The following TLN2 variants were observed in gnomAD, a reference collection of about 807,000 sequenced individuals.
TLN2 encodes talin-2.
A neutral mutation model predicts 294.7 loss-of-function variants in TLN2; 118 were observed. That is an observed-to-expected ratio of 0.40 (90% CI 0.34 to 0.47). The LOEUF (loss-of-function observed/expected upper bound fraction) is 0.47, where lower values mean the gene tolerates loss of function less well. Ranked by LOEUF, TLN2 falls within the 20% of genes least tolerant of loss-of-function variation. The pLI is 0.84. For missense variants in TLN2, 3,083 were observed against 3,282.2 expected (o/e 0.94, Z 1.48); for synonymous variants, 1,431 against 1,304.5 (o/e 1.10, Z -2.09).
Position 62,589,774 on chromosome 15 carries a change from C to A in TLN2, c.-162+12C>A, listed in dbSNP as rs567116648. 10 of 152,286 alleles carry A rather than the reference C, an allele frequency of 6.6e-5. No homozygotes were observed. The East Asian group carries it at 1.7e-3, about 26-fold the overall frequency. The allele number at this position is 152,286 out of a possible 1,614,324, so 9.4% of individuals were successfully genotyped here. On this transcript the variant is annotated intron_variant, in intron 2 of 58. Coordinates refer to ENST00000636159, the MANE Select transcript of TLN2 (RefSeq NM_015059.3). ...ACTGAGAATTTAAGGTAAGTCCTTT[C>A]GCAAAGATACTTTGTTCTTATCAAT... is the stretch of plus-strand genomic sequence containing the variant.
At chr15:62,804,023 T>A (rs2066108284) in intron 50 of TLN2, among the ~76,000 whole-genome samples, 1 of 152,190 alleles carries the variant, frequency 6.6e-6, no homozygotes, top group Admixed American at 6.5e-5. Context: ...AACACTGTAG[T>A]TTTTGCAGAC....
At chr15:62,787,732 G>C (rs903782647) in intron 45 of TLN2, among the ~76,000 whole-genome samples, 1 of 121,490 alleles carries the variant, frequency 8.2e-6, no homozygotes, top group African/African-American at 3.1e-5. Context: ...AGAGTCTGTC[G>C]CCCAGGCTGG....
intron 12 of TLN2, 143 bp downstream of exon 12, chr15:62,686,939 T>C (rs577034181): frequency 1.7e-6 from 2 of 1,185,812 alleles, no homozygotes; most frequent in Non-Finnish European, 2.3e-6. Context: ...TGCAAGCCCA[T>C]GGGCAGGGAA....
chr15:62,516,126 T>A (rs959065266), intron 1 of TLN2, among the ~76,000 whole-genome samples: 1 of 152,188 alleles, frequency 6.6e-6, no homozygotes, highest in Admixed American at 6.5e-5. Context: ...TTTAGAGAGG[T>A]CAAGTGACTT....
In TLN2 at chr15:62,404,963, G is replaced by T. The variant is rs2033299524; in HGVS notation, c.-238+14278G>T. On this transcript the variant is annotated intron_variant, in intron 1 of 58. Transcript: ENST00000636159. ...ACCCAGGAAGACAGGGCAGATGTCTGTGTGGGAAAACTCAGTGACTCGAGG... is the reference window on the plus strand; with the variant it reads ...ACCCAGGAAGACAGGGCAGATGTCTTTGTGGGAAAACTCAGTGACTCGAGG... 2.6e-5 allele frequency among the ~76,000 whole-genome samples: 4 copies of T among 152,312 alleles called. No individual in the cohort carries two copies. The South Asian group carries it at 6.2e-4, about 24-fold the overall frequency.
chr15:62,604,892 GCCT>G (rs539174724), intron 2 of TLN2, among the ~76,000 whole-genome samples: 14 of 151,312 alleles, frequency 9.3e-5, no homozygotes, highest in East Asian at 1.9e-4. Flanking sequence ...CGCTGCCGCC[GCCT>G]CCTCCTCCTC....
Position 62,562,614 on chromosome 15 carries a change from G to A in TLN2, c.-237-27073G>A, listed in dbSNP as rs552497157. 5.9e-5 allele frequency among the ~76,000 whole-genome samples: 9 copies of A among 151,876 alleles called. No individual in the cohort carries two copies. The South Asian group carries it at 1.9e-3, about 32-fold the overall frequency. Reference sequence around the variant, plus strand: ...GGTTACATGAATAAGTTCTTTAGTGGTGATTTCTGAGATTTTGGTGCACCC... The same window carrying A: ...GGTTACATGAATAAGTTCTTTAGTGATGATTTCTGAGATTTTGGTGCACCC... On this transcript the variant is annotated intron_variant, in intron 1 of 58. Transcript: ENST00000636159.
chr15:62,563,887 G>GT (rs1334954989), intron 1 of TLN2, among the ~76,000 whole-genome samples: 1 of 152,124 alleles, frequency 6.6e-6, no homozygotes, highest in Non-Finnish European at 1.5e-5. Context: ...GTAGTCATTT[G>GT]TTTATGGGTC....
intron 1 of TLN2, among the ~76,000 whole-genome samples, chr15:62,542,963 AATG>A (rs2041785538): frequency 6.6e-6 from 1 of 152,158 alleles, no homozygotes; most frequent in Non-Finnish European, 1.5e-5. Flanking sequence ...TGGCCAGAGA[AATG>A]GACTGGCTAC....
chr15:62,792,599 C>T (rs1268136323), intron 45 of TLN2, 42 bp from the exon 46 acceptor site: 6 of 1,604,026 alleles, frequency 3.7e-6, no homozygotes, highest in Non-Finnish European at 5.1e-6. Flanking sequence ...ATGGCAGAGT[C>T]CATCACGCTT....
Position 62,776,788 on chromosome 15 carries a change from A to G in TLN2, c.5392A>G (p.Thr1798Ala). 8 of 1,589,904 alleles carry G rather than the reference A, an allele frequency of 5.0e-6. No individual in the cohort carries two copies. The highest frequency in any genetic ancestry group is 6.9e-6 in the Non-Finnish European group (8 of 1,166,812). ...PKAQHTHDAI[T>A]EAAQLMKEAV... ...GGCACAACACACCCATGACGCCATC[A>G]CAGAGGCCGCCCAGTTGATGAAGGA... The change falls in exon 43 of 59, where the codon ACA becomes GCA. Residue 1798 changes from threonine (T) to alanine (A), a missense_variant. Coordinates refer to ENST00000636159, the MANE Select transcript of TLN2 (RefSeq NM_015059.3).
Position 62,408,177 on chromosome 15 carries a change from G to T in TLN2, c.-238+17492G>T, listed in dbSNP as rs867372951. Among the ~76,000 whole-genome samples the T allele has an allele frequency of 1.7e-4, 26 of 151,740 alleles. No homozygotes were observed. In the South Asian group the frequency reaches 5.4e-3, roughly 32 times the overall value. ...TTGTACCACAGTGGAGTGGCGGGTGGGAGGTAAACTGAGAGGGTGTGGCCT... is the reference window on the plus strand; with the variant it reads ...TTGTACCACAGTGGAGTGGCGGGTGTGAGGTAAACTGAGAGGGTGTGGCCT... On this transcript the variant is annotated intron_variant, in intron 1 of 58. Coordinates refer to ENST00000636159, the MANE Select transcript of TLN2 (RefSeq NM_015059.3).
intron 1 of TLN2, among the ~76,000 whole-genome samples, chr15:62,391,576 T>C (rs1270270307): frequency 6.7e-6 from 1 of 150,234 alleles, no homozygotes; most frequent in Non-Finnish European, 1.5e-5. Context: ...GAGCAGTTTC[T>C]GGGTCCCGGG....
At chr15:62,448,076 C>G (rs1385607132) in intron 1 of TLN2, among the ~76,000 whole-genome samples, 3 of 152,180 alleles carry the variant, frequency 2.0e-5, no homozygotes, top group Non-Finnish European at 2.9e-5. Context: ...CCAACAGGCC[C>G]CAACGCCTTG....
intron 1 of TLN2, 116 bp from the exon 2 acceptor site, chr15:62,589,571 T>C (rs952691793): frequency 3.3e-5 from 5 of 152,188 alleles, no homozygotes; most frequent in African/African-American, 1.2e-4. Context: ...CAGAAATTCA[T>C]TGTTTCCTGA....
chr15:62,713,929 A>ATATATATATATATGC lies in TLN2; in HGVS notation c.2634+1853_2634+1854insATATATATATATGCT, dbSNP rs368958929. On this transcript the variant is annotated intron_variant, in intron 22 of 58. Coordinates refer to ENST00000636159, the MANE Select transcript of TLN2 (RefSeq NM_015059.3). Reference sequence around the variant, plus strand: ...ATATATATATATGCTGTGTGTGTGTATGTGTGTGTGTGTATGTATGTATTG... The same window carrying ATATATATATATATGC: ...ATATATATATATGCTGTGTGTGTGTATATATATATATATGCTGTGTGTGTGTGTATGTATGTATTG... Among the ~76,000 whole-genome samples the ATATATATATATATGC allele has an allele frequency of 2.5e-3, 317 of 125,020 alleles. 4 individuals are homozygous for ATATATATATATATGC. Among genetic ancestry groups the ATATATATATATATGC allele is most frequent in the Non-Finnish European group, 4.3e-3 (240 of 55,664 alleles). 82.0% of individuals were successfully genotyped at this position (125,020 alleles called of 152,430 possible).
At chr15:62,602,368 A>G (rs2047075498) in intron 2 of TLN2, among the ~76,000 whole-genome samples, 1 of 152,166 alleles carries the variant, frequency 6.6e-6, no homozygotes, top group Non-Finnish European at 1.5e-5. Context: ...TCTCTCTGTG[A>G]TTGCGCCACC....
At chr15:62,789,950 C>A (rs1233533962) in intron 45 of TLN2, among the ~76,000 whole-genome samples, 1 of 152,186 alleles carries the variant, frequency 6.6e-6, no homozygotes, top group Non-Finnish European at 1.5e-5. Flanking sequence ...GTGGTCTTGG[C>A]CAAATGGGAA....
At chr15:62,664,857 CA>C (rs10634187) in intron 9 of TLN2, among the ~76,000 whole-genome samples, 779 of 29,210 alleles carry the variant, frequency 0.027, 11 homozygotes, top group Middle Eastern at 0.19. Flanking sequence ...GAAACTGTCT[CA>C]AAAAAAAAAA....
Sources: gnomAD v4.1 joint callset for allele counts (sites outside exome capture counted in the v4.1 genomes callset) on GRCh38, gnomAD v4.1.1 for gene constraint, MANE v1.5 for transcripts, NCBI Gene and HGNC (gene_info 2026-07-23, HGNC 2026-07-21) for gene names.